Variants in RALYL observed in about 807,000 individuals in gnomAD.
RALYL encodes RALY RNA binding protein like.
In RALYL, 29 loss-of-function variants were observed where a neutral mutation model predicts 35.1. The ratio of observed to expected loss-of-function variants is 0.83; its 90% CI spans 0.61 to 1.13. RALYL has a LOEUF of 1.13. Ranked by LOEUF, RALYL falls within the 50% of genes most tolerant of loss-of-function variation. The pLI is 0.00. For synonymous variants in RALYL, 120 were observed against 127.6 expected (o/e 0.94, Z 0.40); for missense variants, 359 against 360.4 (o/e 1.00, Z 0.03).
intron 4 of RALYL, 127 bp downstream of exon 4, chr8:84,804,929 GCTAT>G: frequency 2.4e-6 from 1 of 419,880 alleles, no homozygotes. Flanking sequence ...ATGCAACATT[GCTAT>G]CTATGTTTTA....
At chr8:84,323,009 TAAA>T (rs1845163387) in intron 1 of RALYL, among the ~76,000 whole-genome samples, 1 of 152,074 alleles carries the variant, frequency 6.6e-6, no homozygotes, top group South Asian at 2.1e-4. Flanking sequence ...ACAAGTAAGA[TAAA>T]GAAGATTGTT....
chr8:84,826,686 G>A (rs1459173758), intron 4 of RALYL, among the ~76,000 whole-genome samples: 3 of 151,294 alleles, frequency 2.0e-5, no homozygotes, highest in Non-Finnish European at 4.4e-5. Flanking sequence ...GCTCCAATGA[G>A]GCCCACCAGT....
At chr8:84,605,780 C>T (rs1763054035) in intron 2 of RALYL, among the ~76,000 whole-genome samples, 1 of 152,072 alleles carries the variant, frequency 6.6e-6, no homozygotes, top group South Asian at 2.1e-4. Flanking sequence ...CCTCAGTAAC[C>T]TAGCACACCA....
chr8:84,739,074 T>G (rs1270840772), intron 2 of RALYL, among the ~76,000 whole-genome samples: 2 of 151,988 alleles, frequency 1.3e-5, no homozygotes, highest in African/African-American at 4.8e-5. Flanking sequence ...TCAAAATTAA[T>G]TAATGTGTCC....
intron 2 of RALYL, among the ~76,000 whole-genome samples, chr8:84,644,371 T>G (rs1457216670): frequency 6.6e-6 from 1 of 152,088 alleles, no homozygotes; most frequent in African/African-American, 2.4e-5. Flanking sequence ...CTAGGCTTTA[T>G]TCTAGAAATT....
At chr8:84,839,657 G>C (rs1436461973) in intron 4 of RALYL, among the ~76,000 whole-genome samples, 5 of 152,244 alleles carry the variant, frequency 3.3e-5, no homozygotes, top group African/African-American at 1.2e-4. Flanking sequence ...TCGGAGAATG[G>C]ACAGACTGCC....
chr8:84,384,679 T>G (rs1858787069), intron 1 of RALYL, among the ~76,000 whole-genome samples: 1 of 151,744 alleles, frequency 6.6e-6, no homozygotes, highest in Non-Finnish European at 1.5e-5. Context: ...TCCCCTGATT[T>G]TATCTTTTTC....
chr8:84,547,433 G>T (rs1409572400), intron 2 of RALYL, among the ~76,000 whole-genome samples: 3 of 151,800 alleles, frequency 2.0e-5, no homozygotes, highest in African/African-American at 4.8e-5. Flanking sequence ...CTGGAGTGCA[G>T]TGATGCGATC....
intron 1 of RALYL, among the ~76,000 whole-genome samples, chr8:84,239,155 A>G (rs1254693806): frequency 6.6e-6 from 1 of 152,200 alleles, no homozygotes; most frequent in Non-Finnish European, 1.5e-5. Context: ...TGACCATTCC[A>G]TGGTTAGTAG....
At chr8:84,228,574 A>C (rs2131397154) in intron 1 of RALYL, among the ~76,000 whole-genome samples, 1 of 152,344 alleles carries the variant, frequency 6.6e-6, no homozygotes, top group Admixed American at 6.5e-5. Context: ...GTCTTAGGAT[A>C]GTAGGGAAGA....
intron 6 of RALYL, chr8:84,872,792 A>G (rs10504811): frequency 0.46 from 69,433 of 152,078 alleles, 18,812 homozygotes; most frequent in African/African-American, 0.74. Context: ...GAGTTTTCTC[A>G]CATCTAAGAC....
At chr8:84,426,255 C>G (rs1180576247) in intron 1 of RALYL, among the ~76,000 whole-genome samples, 3 of 152,096 alleles carry the variant, frequency 2.0e-5, no homozygotes, top group Non-Finnish European at 2.9e-5. Context: ...CAGCTAAAAT[C>G]TACTTATTTA....
At chr8:84,890,141 AT>A (rs1563817018) in intron 8 of RALYL, among the ~76,000 whole-genome samples, 1 of 152,164 alleles carries the variant, frequency 6.6e-6, no homozygotes, top group African/African-American at 2.4e-5. Context: ...TTGTGATGAG[AT>A]TAGGTGAAGG....
chr8:84,830,535 A>G lies in RALYL; in HGVS notation c.366-19445A>G, dbSNP rs557894842. 7.2e-5 allele frequency among the ~76,000 whole-genome samples: 11 copies of G among 152,306 alleles called. No individual in the cohort carries two copies. In the South Asian group the frequency reaches 2.3e-3, roughly 32 times the overall value. The stretch of plus-strand genomic sequence containing the variant: ...AATGGAATGCTCCAGGAAGAATGAA[A>G]AAAGTAGACCATTATAAGTGCCAAG... On this transcript the variant is annotated intron_variant, in intron 4 of 8. Transcript: ENST00000521268.
At chr8:84,192,427 G>T (rs1306298715) in intron 1 of RALYL, among the ~76,000 whole-genome samples, 3 of 152,116 alleles carry the variant, frequency 2.0e-5, no homozygotes, top group Admixed American at 1.3e-4. Flanking sequence ...TAAAAATGTG[G>T]TCTATAAAAA....
At chr8:84,342,557 G>A (rs2130913763) in intron 1 of RALYL, among the ~76,000 whole-genome samples, 1 of 151,802 alleles carries the variant, frequency 6.6e-6, no homozygotes, top group Non-Finnish European at 1.5e-5. Flanking sequence ...CTTTCCAAAT[G>A]ATGATGGATA....
intron 2 of RALYL, among the ~76,000 whole-genome samples, chr8:84,766,720 CAAAAAAAAAAAAAAA>C (rs751821694): frequency 1.7e-4 from 3 of 18,024 alleles, no homozygotes; most frequent in Non-Finnish European, 3.1e-4. Context: ...GAGACTGTCT[CAAAAAAAAAAAAAAA>C]AAAAAAAAAA....
chr8:84,300,173 T>C (rs1254305375), intron 1 of RALYL, among the ~76,000 whole-genome samples: 2 of 152,080 alleles, frequency 1.3e-5, no homozygotes, highest in Admixed American at 1.3e-4. Flanking sequence ...TGTCTTGATT[T>C]CTGCCTTAAT....
intron 2 of RALYL, among the ~76,000 whole-genome samples, chr8:84,566,111 C>T (rs955635756): frequency 6.6e-6 from 1 of 151,454 alleles, no homozygotes; most frequent in East Asian, 1.9e-4. Flanking sequence ...GGCCATTAGA[C>T]TGTAGGTCAT....
Sources: gnomAD v4.1 joint callset for allele counts (sites outside exome capture counted in the v4.1 genomes callset) on GRCh38, gnomAD v4.1.1 for gene constraint, MANE v1.5 for transcripts, NCBI Gene and HGNC (gene_info 2026-07-23, HGNC 2026-07-21) for gene names.